The following GPR39 variants were observed in gnomAD, a reference collection of about 807,000 sequenced individuals.
GPR39 encodes the protein zinc sensing receptor.
A neutral mutation model predicts 18.4 loss-of-function variants in GPR39; 23 were observed. The observed-to-expected ratio is 1.25, with a 90% CI of 0.90 to 1.77. GPR39 has a LOEUF of 1.77. Among genes scored for constraint, GPR39 ranks in the 40% most tolerant of loss-of-function variants. The pLI is 0.00. For synonymous variants in GPR39, 280 were observed against 257.9 expected, an observed-to-expected ratio of 1.09 and a Z score of -0.82; for missense variants, 647 against 602.4, an observed-to-expected ratio of 1.07 and a Z score of -0.78.
At chr2:132,618,984 G>A (rs1474106476) in intron 1 of GPR39, among the ~76,000 whole-genome samples, 1 of 152,108 alleles carries the variant, frequency 6.6e-6, no homozygotes, top group African/African-American at 2.4e-5. Flanking sequence ...CCTGGGAGTC[G>A]GCAGGCCTGG....
chr2:132,631,905 C>T (rs991783337), intron 1 of GPR39, among the ~76,000 whole-genome samples: 12 of 151,530 alleles, frequency 7.9e-5, no homozygotes, highest in Admixed American at 2.0e-4. Flanking sequence ...TCACTGCAAC[C>T]TCTGCCTCCT....
intron 1 of GPR39, among the ~76,000 whole-genome samples, chr2:132,499,565 T>G (rs918717601): frequency 6.6e-6 from 1 of 152,164 alleles, no homozygotes; most frequent in African/African-American, 2.4e-5. Context: ...TCTTTTTTGA[T>G]TCCATATGAA....
At chr2:132,536,880 G>A (rs557623930) in intron 1 of GPR39, among the ~76,000 whole-genome samples, 16 of 152,222 alleles carry the variant, frequency 1.1e-4, no homozygotes, top group African/African-American at 3.6e-4. Context: ...TCAAAGACTA[G>A]GATTGCAACC....
intron 1 of GPR39, among the ~76,000 whole-genome samples, chr2:132,626,006 A>G (rs1014958282): frequency 6.6e-6 from 1 of 151,842 alleles, no homozygotes; most frequent in Non-Finnish European, 1.5e-5. Flanking sequence ...AGGCTGAGGC[A>G]GGAGAATGGC....
At chr2:132,551,214 C>A (rs1041030540) in intron 1 of GPR39, among the ~76,000 whole-genome samples, 5 of 149,634 alleles carry the variant, frequency 3.3e-5, no homozygotes, top group Admixed American at 6.6e-5. Context: ...TGCCAGCCAT[C>A]ATGTCTGCAT....
Position 132,457,206 on chromosome 2 carries a change from C to T in GPR39, c.856+39308C>T, listed in dbSNP as rs1484461437. ...CTTACTCTTTTTTCTCTAACCTTGT[C>T]TTCTCACTTTATTTCATTAATTTGA... is the stretch of plus-strand genomic sequence containing the variant. On this transcript the variant is annotated intron_variant, in intron 1 of 1. Coordinates refer to ENST00000329321, the MANE Select transcript of GPR39 (RefSeq NM_001508.3). Among the ~76,000 whole-genome samples the T allele has an allele frequency of 2.0e-5, 3 of 152,132 alleles. No individual in the cohort carries two copies. The East Asian group carries it at 5.8e-4, about 29-fold the overall frequency.
chr2:132,505,298 G>A (rs1186198977), intron 1 of GPR39, among the ~76,000 whole-genome samples: 2 of 151,956 alleles, frequency 1.3e-5, no homozygotes, highest in African/African-American at 4.8e-5. Context: ...ATACTTATGG[G>A]GTACATGTGA....
intron 1 of GPR39, among the ~76,000 whole-genome samples, chr2:132,520,755 A>G (rs1288441660): frequency 6.6e-6 from 1 of 152,210 alleles, no homozygotes. Context: ...GTCCATCTTG[A>G]TGGTGATGAG....
At chr2:132,555,416 G>A (rs555474692) in intron 1 of GPR39, among the ~76,000 whole-genome samples, 2 of 152,274 alleles carry the variant, frequency 1.3e-5, no homozygotes, top group African/African-American at 2.4e-5. Flanking sequence ...AGTGTGGGCC[G>A]CAGTCATCCA....
At chr2:132,441,296 A>T (rs1303487818) in intron 1 of GPR39, among the ~76,000 whole-genome samples, 1 of 152,164 alleles carries the variant, frequency 6.6e-6, no homozygotes, top group African/African-American at 2.4e-5. Flanking sequence ...GTTTACAGAT[A>T]CGCTGCATTT....
intron 1 of GPR39, among the ~76,000 whole-genome samples, chr2:132,644,213 T>TAA (rs896853424): frequency 1.3e-5 from 2 of 152,208 alleles, no homozygotes; most frequent in Non-Finnish European, 2.9e-5. Flanking sequence ...GGTGGTTACT[T>TAA]AAGTTGGAAT....
chr2:132,604,211 T>C (rs550034122), intron 1 of GPR39, among the ~76,000 whole-genome samples: 1 of 152,156 alleles, frequency 6.6e-6, no homozygotes, highest in Non-Finnish European at 1.5e-5. Context: ...GTCATTTTCT[T>C]AACTTTCTCC....
chr2:132,505,665 T>A (rs1679122974), intron 1 of GPR39, among the ~76,000 whole-genome samples: 1 of 152,240 alleles, frequency 6.6e-6, no homozygotes, highest in African/African-American at 2.4e-5. Context: ...TGTCTTTCTG[T>A]GCCTGACTTA....
At chr2:132,612,352 G>T (rs574204164) in intron 1 of GPR39, among the ~76,000 whole-genome samples, 1 of 151,402 alleles carries the variant, frequency 6.6e-6, no homozygotes, top group Non-Finnish European at 1.5e-5. Context: ...TGACATGAAA[G>T]GTGCATTTTA....
At chr2:132,639,413 A>T (rs951424151) in intron 1 of GPR39, among the ~76,000 whole-genome samples, 1 of 152,204 alleles carries the variant, frequency 6.6e-6, no homozygotes, top group African/African-American at 2.4e-5. Flanking sequence ...CTAAATCATC[A>T]TCAACATACC....
chr2:132,600,557 T>A (rs1050880030), intron 1 of GPR39, among the ~76,000 whole-genome samples: 1 of 151,970 alleles, frequency 6.6e-6, no homozygotes, highest in Admixed American at 6.6e-5. Context: ...ATACAAGGGA[T>A]CATTAAAGAC....
At chr2:132,574,238 C>G (rs1405851583) in intron 1 of GPR39, among the ~76,000 whole-genome samples, 1 of 152,158 alleles carries the variant, frequency 6.6e-6, no homozygotes, top group Non-Finnish European at 1.5e-5. Flanking sequence ...TCATTTTTGC[C>G]AGCATTGAAT....
rs1297744928 is a variant in GPR39 at position 132,644,942 on chromosome 2, AAAG to A, written c.857-155_857-153del. On this transcript the variant is annotated intron_variant, in intron 1 of 1. Coordinates refer to ENST00000329321, the MANE Select transcript of GPR39 (RefSeq NM_001508.3). ...GTTAAATTCTCTCTTGCTTGTGGCA[AAAG>A]AAGCTGTCAAGTCCAACACTGAAAA... 6.5e-6 allele frequency: 5 copies of A among 774,576 alleles called. No homozygotes were observed. The East Asian group carries it at 1.4e-4, about 21-fold the overall frequency. 48.0% of individuals were successfully genotyped at this position (774,576 alleles called of 1,614,324 possible).
At chr2:132,487,780 G>A (rs1325840818) in intron 1 of GPR39, among the ~76,000 whole-genome samples, 4 of 152,114 alleles carry the variant, frequency 2.6e-5, no homozygotes, top group Non-Finnish European at 4.4e-5. Flanking sequence ...GAGGATAAGA[G>A]TCGTAGAGGG....
Sources: allele counts gnomAD v4.1 joint callset (sites outside exome capture counted in the v4.1 genomes callset), GRCh38; gene constraint gnomAD v4.1.1; transcripts MANE v1.5; gene names NCBI Gene and HGNC (gene_info 2026-07-23, HGNC 2026-07-21).